The following PLCE1 variants were observed in gnomAD, a reference collection of about 807,000 sequenced individuals.
PLCE1 encodes 1-phosphatidylinositol 4,5-bisphosphate phosphodiesterase epsilon-1.
PLCE1 carries 119 observed loss-of-function variants against 242.8 expected under a neutral mutation model. The observed-to-expected ratio is 0.49, with a 90% CI of 0.42 to 0.57. The LOEUF is 0.57. Ranked by LOEUF, PLCE1 falls within the 20% of genes least tolerant of loss-of-function variation. The pLI is 0.00. For missense variants in PLCE1, 2,441 were observed against 2,788.8 expected (o/e 0.88, Z 2.81); for synonymous variants, 945 against 1,017.4 (o/e 0.93, Z 1.35).
rs2061569735 is a variant in PLCE1, at chr10:94,032,113, T to C, written c.1067T>C (p.Ile356Thr). Residue 356 changes from isoleucine (I) to threonine (T), a missense_variant, in exon 2 of 33, where the codon ATT (isoleucine) becomes ACT (threonine). Ile to Thr is a moderately conservative substitution (Grantham distance 89). Around this residue, in one of 5 missense-constraint regions of PLCE1, gnomAD observed 733 missense variants for 754.2 expected, o/e 0.97. Transcript: ENST00000371380. Reference protein sequence around the residue: ...AIVRTLPSGHIGLTAWSYIDQ... With the variant: ...AIVRTLPSGHTGLTAWSYIDQ... ...GTGAGAACTCTGCCTTCTGGCCACATTGGGCTGACTGCATGGAGTTACATA... is the reference window on the plus strand; with the variant it reads ...GTGAGAACTCTGCCTTCTGGCCACACTGGGCTGACTGCATGGAGTTACATA... 1 of 1,610,702 alleles carries C rather than the reference T, an allele frequency of 6.2e-7. No homozygotes were observed.
At chr10:94,236,839 T>C (rs2050340427) in intron 7 of PLCE1, among the ~76,000 whole-genome samples, 1 of 152,072 alleles carries the variant, frequency 6.6e-6, no homozygotes. Context: ...TCAGAGCCAT[T>C]TAAGTTCTTA....
chr10:94,086,507 C>T (rs958572598), intron 2 of PLCE1, among the ~76,000 whole-genome samples: 5 of 152,194 alleles, frequency 3.3e-5, no homozygotes, highest in African/African-American at 1.2e-4. Flanking sequence ...CTTTATATCT[C>T]TGTTGTAACA....
intron 19 of PLCE1, among the ~76,000 whole-genome samples, chr10:94,274,179 GC>G (rs1385893958): frequency 4.6e-5 from 7 of 150,614 alleles, no homozygotes; most frequent in African/African-American, 1.7e-4. Flanking sequence ...AGAGATCTGG[GC>G]CCAAGCACGA....
At chr10:94,295,549 C>A (rs2052784201) in intron 23 of PLCE1, among the ~76,000 whole-genome samples, 1 of 152,156 alleles carries the variant, frequency 6.6e-6, no homozygotes, top group African/African-American at 2.4e-5. Context: ...TTGGAATTAA[C>A]TTCTCCCAAA....
chr10:94,270,389 T>A, intron 17 of PLCE1, 97 bp from the exon 18 acceptor site: 1 of 833,324 alleles, frequency 1.2e-6, no homozygotes, highest in South Asian at 1.3e-5. Flanking sequence ...GTCTGCTGCA[T>A]GTAACAATTG....
intron 14 of PLCE1, among the ~76,000 whole-genome samples, chr10:94,265,250 C>T (rs1204662989): frequency 6.6e-6 from 1 of 152,172 alleles, no homozygotes. Flanking sequence ...CTGTTGAGTG[C>T]TCATTATGAT....
Position 94,246,372 on chromosome 10 carries a change from T to C in PLCE1, c.2847T>C (p.Pro949=), listed in dbSNP as rs777089100. ...TGAAGGCTGTATACATGGGCCACCCTGGCATTGATATACACACTGTGTGTG... is the reference window on the plus strand; with the variant it reads ...TGAAGGCTGTATACATGGGCCACCCCGGCATTGATATACACACTGTGTGTG... ...FAVKAVYMGH[P]GIDIHTVCVQ... is the part of the protein sequence containing the mutation. Residue 949 remains proline, a synonymous_variant, in exon 8 of 33, where the codon CCT becomes CCC. Transcript: ENST00000371380. The C allele has an allele frequency of 1.2e-6, 2 of 1,614,216 alleles. No homozygotes were observed. The highest frequency in any genetic ancestry group is 1.7e-6 in the Non-Finnish European group (2 of 1,180,030).
chr10:94,196,688 A>AGGTG (rs2048833746), intron 4 of PLCE1, among the ~76,000 whole-genome samples: 1 of 152,162 alleles, frequency 6.6e-6, no homozygotes, highest in South Asian at 2.1e-4. Flanking sequence ...AGGTATAATG[A>AGGTG]GGTGGGACTC....
rs929785703 is a variant in PLCE1, at chr10:94,161,727, T to C, written c.1493-9453T>C. On this transcript the variant is annotated intron_variant, in intron 3 of 32. Coordinates refer to ENST00000371380, the MANE Select transcript of PLCE1 (RefSeq NM_016341.4). ...AGTGGTGAGAGAGGGCATCCCTGTC[T>C]TGTGCCAGTTTTCAAAGGGAATGCT... is the stretch of plus-strand genomic sequence containing the variant. Among the ~76,000 whole-genome samples, 6 of 152,328 alleles carry C rather than the reference T, an allele frequency of 3.9e-5. 1 individual carries two copies. The highest frequency in any genetic ancestry group is 6.8e-3 in the Middle Eastern group (2 of 294).
intron 4 of PLCE1, 32 bp downstream of exon 4, chr10:94,171,528 TGACTCACCCGTAAG>T: frequency 6.5e-7 from 1 of 1,540,322 alleles, no homozygotes; most frequent in East Asian, 2.2e-5. Flanking sequence ...TCTTGGTATT[TGACTCACCCGTAAG>T]TGATTTTCAA....
At chr10:94,241,915 A>G (rs1483209676) in intron 7 of PLCE1, among the ~76,000 whole-genome samples, 2 of 152,296 alleles carry the variant, frequency 1.3e-5, no homozygotes, top group Non-Finnish European at 2.9e-5. Context: ...AGTGTACTTT[A>G]CCAAGACAGG....
Position 94,258,917 on chromosome 10 carries a change from A to G in PLCE1, c.3672A>G (p.Ser1224=), listed in dbSNP as rs1354486300. The change falls in exon 12 of 33, where the codon TCA becomes TCG. Residue 1224 remains serine, a synonymous_variant. Coordinates refer to ENST00000371380, the MANE Select transcript of PLCE1 (RefSeq NM_016341.4). ...SFVEFVELFK[S]FSVRSRKDLK... ...TTGAATTTGTTGAGCTGTTCAAATCATTCAGGTACAGTCTTATGTTTCCTT... is the reference window on the plus strand; with the variant it reads ...TTGAATTTGTTGAGCTGTTCAAATCGTTCAGGTACAGTCTTATGTTTCCTT... 1 of 1,614,104 alleles carries G rather than the reference A, an allele frequency of 6.2e-7. No individual in the cohort carries two copies. The highest frequency in any genetic ancestry group is 8.5e-7 in the Non-Finnish European group (1 of 1,179,984).
chr10:94,292,168 A>C (rs971917493), intron 22 of PLCE1, among the ~76,000 whole-genome samples: 1 of 152,236 alleles, frequency 6.6e-6, no homozygotes, highest in Non-Finnish European at 1.5e-5. Context: ...CATGTTTGCT[A>C]TTATGAATAC....
intron 3 of PLCE1, among the ~76,000 whole-genome samples, chr10:94,168,171 A>G (rs1376865407): frequency 6.6e-6 from 1 of 152,186 alleles, no homozygotes; most frequent in Non-Finnish European, 1.5e-5. Flanking sequence ...TCCATCTTCC[A>G]GTGGCCCATG....
chr10:94,213,374 C>T (rs960918915), intron 4 of PLCE1, among the ~76,000 whole-genome samples: 5 of 152,196 alleles, frequency 3.3e-5, no homozygotes, highest in African/African-American at 1.2e-4. Context: ...AATGTTGTAA[C>T]CACAGTCCAG....
intron 2 of PLCE1, among the ~76,000 whole-genome samples, chr10:94,054,349 G>A (rs2043843976): frequency 6.6e-6 from 1 of 152,130 alleles, no homozygotes; most frequent in Non-Finnish European, 1.5e-5. Context: ...CTGAATTTTG[G>A]CCACTGGAAT....
intron 13 of PLCE1, among the ~76,000 whole-genome samples, chr10:94,259,838 G>A (rs2051235140): frequency 6.6e-6 from 1 of 152,098 alleles, no homozygotes; most frequent in Non-Finnish European, 1.5e-5. Flanking sequence ...GTTCCACCTG[G>A]CTGGGGAGGC....
At chr10:94,052,593 T>C (rs2043794947) in intron 2 of PLCE1, among the ~76,000 whole-genome samples, 1 of 152,156 alleles carries the variant, frequency 6.6e-6, no homozygotes, top group African/African-American at 2.4e-5. Context: ...TTTATTTCCT[T>C]AAGCAAAAAG....
intron 2 of PLCE1, among the ~76,000 whole-genome samples, chr10:94,045,622 A>C (rs1589909757): frequency 6.6e-6 from 1 of 152,220 alleles, no homozygotes; most frequent in Admixed American, 6.5e-5. Context: ...TTTCTGATAC[A>C]AATAGCTGTG....
Sources: allele counts gnomAD v4.1 joint callset (sites outside exome capture counted in the v4.1 genomes callset), GRCh38; gene constraint gnomAD v4.1.1; regional missense constraint gnomAD v4.1.1; transcripts MANE v1.5; gene names NCBI Gene and HGNC (gene_info 2026-07-23, HGNC 2026-07-21).